Variants in LRRC49 observed in about 807,000 individuals in gnomAD.
LRRC49 encodes leucine-rich repeat-containing protein 49.
In LRRC49, 50 loss-of-function variants were observed where a neutral mutation model predicts 83.3. The ratio of observed to expected loss-of-function variants is 0.60; its 90% CI spans 0.48 to 0.76. The LOEUF is 0.76. Among genes scored for constraint, LRRC49 ranks in the 30% least tolerant of loss-of-function variants. The pLI is 0.00. For missense variants in LRRC49, 704 were observed against 809.1 expected, an observed-to-expected ratio of 0.87 and a Z score of 1.58; for synonymous variants, 286 against 283.3, an observed-to-expected ratio of 1.01 and a Z score of -0.10.
At chr15:70,887,054 A>G (rs2033429031) in intron 2 of LRRC49, among the ~76,000 whole-genome samples, 1 of 152,196 alleles carries the variant, frequency 6.6e-6, no homozygotes, top group Admixed American at 6.5e-5. Context: ...AAAATGGATA[A>G]ACAAAATACT....
chr15:70,879,986 G>GT (rs2033230498), intron 2 of LRRC49, among the ~76,000 whole-genome samples: 2 of 152,252 alleles, frequency 1.3e-5, no homozygotes, highest in South Asian at 4.2e-4. Context: ...CTCTGATACC[G>GT]TAACATGGTC....
intron 2 of LRRC49, among the ~76,000 whole-genome samples, chr15:70,880,724 TA>T (rs933345238): frequency 1.8e-4 from 26 of 146,478 alleles, no homozygotes; most frequent in African/African-American, 3.8e-4. Flanking sequence ...AAGTGAAGAG[TA>T]AAAAAAAAAG....
chr15:70,911,487 G>C, intron 5 of LRRC49, 45 bp from the exon 6 acceptor site: 2 of 1,067,972 alleles, frequency 1.9e-6, no homozygotes, highest in Non-Finnish European at 2.8e-6. Context: ...TTTACAGATA[G>C]ATGTGATACA....
chr15:70,865,070 C>G (rs1373957211), intron 1 of LRRC49, among the ~76,000 whole-genome samples: 3 of 152,142 alleles, frequency 2.0e-5, no homozygotes, highest in Non-Finnish European at 4.4e-5. Flanking sequence ...AATTCAGGGA[C>G]AAGTTTCTTT....
At chr15:70,967,179 T>C (rs964747786) in intron 9 of LRRC49, among the ~76,000 whole-genome samples, 2 of 151,986 alleles carry the variant, frequency 1.3e-5, no homozygotes, top group Non-Finnish European at 2.9e-5. Context: ...TGGCTAAGCA[T>C]TGAGTGTACA....
chr15:70,970,531 A>C (rs960446483), intron 9 of LRRC49, among the ~76,000 whole-genome samples: 1 of 151,768 alleles, frequency 6.6e-6, no homozygotes, highest in African/African-American at 2.4e-5. Flanking sequence ...CTCTTTTTCT[A>C]TTGTTTGGAG....
chr15:70,911,158 G>A (rs1273992983), intron 5 of LRRC49, among the ~76,000 whole-genome samples: 2 of 152,174 alleles, frequency 1.3e-5, no homozygotes, highest in East Asian at 1.9e-4. Flanking sequence ...GTGAGTGAGC[G>A]AGCCTGTGGT....
At chr15:70,953,582 TG>T (rs1247908011) in intron 8 of LRRC49, among the ~76,000 whole-genome samples, 1 of 152,232 alleles carries the variant, frequency 6.6e-6, no homozygotes, top group Non-Finnish European at 1.5e-5. Context: ...TTGGAGAATC[TG>T]ATGACTGTGC....
chr15:71,044,939 T>C (rs2039810227), intron 15 of LRRC49, among the ~76,000 whole-genome samples: 2 of 134,950 alleles, frequency 1.5e-5, no homozygotes, highest in African/African-American at 5.5e-5. Context: ...TCACCCAGGC[T>C]GGAGTGCAGT....
intron 9 of LRRC49, 27 bp downstream of exon 9, chr15:70,963,959 A>G: frequency 6.2e-7 from 1 of 1,604,038 alleles, no homozygotes; most frequent in Non-Finnish European, 8.5e-7. Flanking sequence ...AGTGTTCACC[A>G]TGTTGTTGTC....
chr15:70,946,665 A>C (rs1039589124), intron 8 of LRRC49, among the ~76,000 whole-genome samples: 1 of 152,118 alleles, frequency 6.6e-6, no homozygotes, highest in African/African-American at 2.4e-5. Flanking sequence ...AGGAACCTCC[A>C]TACTCTTTTT....
At chr15:70,893,536 T>G in intron 1 of LRRC49, 48 bp from the exon 2 acceptor site, 1 of 1,134,406 alleles carries the variant, frequency 8.8e-7, no homozygotes, top group Non-Finnish European at 1.3e-6. Context: ...TGGAAATATG[T>G]GTTTGTGTAT....
intron 7 of LRRC49, among the ~76,000 whole-genome samples, chr15:70,922,371 T>C (rs1596023598): frequency 6.6e-6 from 1 of 152,064 alleles, no homozygotes; most frequent in African/African-American, 2.4e-5. Context: ...ATCCAGTCAT[T>C]TGCAACAACA....
In LRRC49 at chr15:71,049,500, A is replaced by G. The variant is rs2039956389; in HGVS notation, c.1949A>G (p.Gln650Arg). The change falls in exon 16 of 16, where the codon CAG becomes CGG. Residue 650 changes from glutamine to arginine, a missense_variant. By Grantham distance (43) the Gln-to-Arg change is conservative. Transcript: ENST00000260382. ...ATCAACATGAAAAATGAGGCTTTGC[A>G]GAAGCTTTGGCCACAGATGTTCATT... ...TEINMKNEAL[Q>R]KLWPQMFIEL... 5.0e-6 allele frequency: 8 copies of G among 1,613,752 alleles called. No homozygotes were observed. The highest frequency in any genetic ancestry group is 6.8e-6 in the Non-Finnish European group (8 of 1,179,724).
At chr15:70,876,460 T>A (rs547755970) in intron 2 of LRRC49, among the ~76,000 whole-genome samples, 1 of 152,326 alleles carries the variant, frequency 6.6e-6, no homozygotes, top group South Asian at 2.1e-4. Flanking sequence ...GGGCTATGCA[T>A]GACATGCTTT....
At chr15:71,033,287 T>G (rs2039416705) in intron 14 of LRRC49, among the ~76,000 whole-genome samples, 1 of 152,154 alleles carries the variant, frequency 6.6e-6, no homozygotes, top group Admixed American at 6.5e-5. Context: ...ATAAAATGCC[T>G]GGGAATACAG....
chr15:70,968,778 T>G (rs1055997916), intron 9 of LRRC49, among the ~76,000 whole-genome samples: 1 of 152,248 alleles, frequency 6.6e-6, no homozygotes, highest in Non-Finnish European at 1.5e-5. Context: ...CATAAATGTC[T>G]TCTTTTGAGA....
chr15:70,931,196 G>A (rs2035393659), intron 7 of LRRC49, among the ~76,000 whole-genome samples: 2 of 152,102 alleles, frequency 1.3e-5, no homozygotes, highest in East Asian at 3.9e-4. Context: ...GACCATTGTA[G>A]GGGTTATTAA....
chr15:70,955,590 G>A (rs1330468236), intron 8 of LRRC49, among the ~76,000 whole-genome samples: 5 of 152,156 alleles, frequency 3.3e-5, no homozygotes, highest in African/African-American at 1.2e-4. Context: ...CTATCTCTCA[G>A]CCTTGAAGAT....
Sources: allele counts gnomAD v4.1 joint callset (sites outside exome capture counted in the v4.1 genomes callset), GRCh38; gene constraint gnomAD v4.1.1; transcripts MANE v1.5; gene names NCBI Gene and HGNC (gene_info 2026-07-23, HGNC 2026-07-21).